MYO1H: variants seen among roughly 807,000 people sequenced by gnomAD.
MYO1H encodes the protein unconventional myosin-Ih.
A neutral mutation model predicts 149.3 loss-of-function variants in MYO1H; 118 were observed. The ratio of observed to expected loss-of-function variants is 0.79; its 90% CI spans 0.68 to 0.92. The LOEUF is 0.92. Ranked by LOEUF, MYO1H falls within the 40% of genes least tolerant of loss-of-function variation. MYO1H has a pLI of 0.00. For synonymous variants in MYO1H, 447 were observed against 465.2 expected, an observed-to-expected ratio of 0.96 and a Z score of 0.50; for missense variants, 1,212 against 1,280.7, an observed-to-expected ratio of 0.95 and a Z score of 0.82.
At chr12:109,314,339 T>C in the MYO1H span, among the ~76,000 whole-genome samples, 3 of 152,144 alleles carry the variant, frequency 2.0e-5, no homozygotes, top group Non-Finnish European at 4.4e-5. Flanking sequence ...AATTCTGAGC[T>C]ACCTTCTGAA....
chr12:109,407,399 CAAGA>C (rs1870439479), intron 9 of MYO1H, among the ~76,000 whole-genome samples: 1 of 150,518 alleles, frequency 6.6e-6, no homozygotes. Context: ...CATGGGCACT[CAAGA>C]AAGAGCCATC....
At chr12:109,439,443 C>G in intron 23 of MYO1H, 188 bp from the exon 24 acceptor site, 1 of 497,788 alleles carries the variant, frequency 2.0e-6, no homozygotes, top group Non-Finnish European at 3.5e-6. Context: ...TAAAGCTCCT[C>G]AAAACAAAAC....
intron 1 of MYO1H, among the ~76,000 whole-genome samples, chr12:109,349,231 C>G (rs561169353): frequency 6.6e-6 from 1 of 152,042 alleles, no homozygotes; most frequent in Non-Finnish European, 1.5e-5. Flanking sequence ...ACAAAATGCA[C>G]GTAGAAGTAA....
At chr12:109,338,747 CAGAGCAAGACTCCATCTCAAAA>C in the MYO1H span, among the ~76,000 whole-genome samples, 481 of 118,752 alleles carry the variant, frequency 4.1e-3, 1 homozygote, top group African/African-American at 0.015. Context: ...GCCTGGGTGA[CAGAGCAAGACTCCATCTCAAAA>C]AAAAAAAAAA....
chr12:109,331,830 C>T, the MYO1H span, among the ~76,000 whole-genome samples: 1 of 152,176 alleles, frequency 6.6e-6, no homozygotes, highest in Non-Finnish European at 1.5e-5. Context: ...GTTCCTAATG[C>T]TTTTGCATTT....
intron 25 of MYO1H, 94 bp from the exon 26 acceptor site, chr12:109,441,521 C>G: frequency 1.3e-6 from 1 of 742,078 alleles, no homozygotes. Flanking sequence ...CACAGTTTAT[C>G]CAGCAAAGGA....
intron 5 of MYO1H, among the ~76,000 whole-genome samples, chr12:109,398,741 CAAAAA>C (rs35031072): frequency 2.5e-4 from 13 of 51,994 alleles, no homozygotes; most frequent in Non-Finnish European, 4.1e-4. Flanking sequence ...AACTTCCTCT[CAAAAA>C]AAAAAAAAAA....
chr12:109,374,942 C>T (rs1166595401), intron 1 of MYO1H, among the ~76,000 whole-genome samples: 1 of 151,400 alleles, frequency 6.6e-6, no homozygotes, highest in Non-Finnish European at 1.5e-5. Context: ...GCAACCTCCA[C>T]CTCCTGGGTT....
At chr12:109,426,974 G>T (rs1871373285) in intron 18 of MYO1H, among the ~76,000 whole-genome samples, 1 of 152,154 alleles carries the variant, frequency 6.6e-6, no homozygotes. Context: ...GGACTTTTCA[G>T]AGGAACCAGA....
intron 17 of MYO1H, among the ~76,000 whole-genome samples, chr12:109,425,148 T>C (rs886782281): frequency 6.6e-6 from 1 of 151,898 alleles, no homozygotes; most frequent in African/African-American, 2.4e-5. Flanking sequence ...AAAACTTGGG[T>C]GCATTAAAAA....
chr12:109,397,078 A>G (rs1290778328), intron 4 of MYO1H, among the ~76,000 whole-genome samples: 2 of 151,874 alleles, frequency 1.3e-5, no homozygotes, highest in African/African-American at 4.8e-5. Flanking sequence ...CCTTCCCTGC[A>G]TCAGCCTCCC....
intron 3 of MYO1H, among the ~76,000 whole-genome samples, chr12:109,395,677 A>G (rs1288139435): frequency 6.6e-6 from 1 of 151,794 alleles, no homozygotes; most frequent in Non-Finnish European, 1.5e-5. Context: ...AGAGGTTGCA[A>G]TGAGCTCAGA....
chr12:109,346,625 G>T (rs1016924496), upstream of MYO1H, among the ~76,000 whole-genome samples: 1 of 151,822 alleles, frequency 6.6e-6, no homozygotes, highest in South Asian at 2.1e-4. Context: ...GCTGGGCGTT[G>T]TGGCGGGTGC....
At chr12:109,384,351 T>G (rs1022866491) in intron 1 of MYO1H, among the ~76,000 whole-genome samples, 2 of 152,224 alleles carry the variant, frequency 1.3e-5, no homozygotes, top group African/African-American at 4.8e-5. Context: ...TAACTTAATT[T>G]GATTTAATTT....
chr12:109,360,285 G>A (rs548717399), intron 1 of MYO1H, among the ~76,000 whole-genome samples: 4 of 152,210 alleles, frequency 2.6e-5, no homozygotes, highest in African/African-American at 9.6e-5. Context: ...AGACCCTTGA[G>A]TTTGTGTACC....
In MYO1H at chr12:109,443,204, A is replaced by G. The variant is rs919014249; in HGVS notation, c.2689-310A>G. On this transcript the variant is annotated intron_variant, in intron 27 of 31. Coordinates refer to ENST00000310903, the Ensembl canonical transcript of MYO1H. Reference sequence around the variant, plus strand: ...TGTATATGTGTACGTATATGTGTGTATATGTGTACGTATATGTGTGTGTAT... The same window carrying G: ...TGTATATGTGTACGTATATGTGTGTGTATGTGTACGTATATGTGTGTGTAT... 8.1e-5 allele frequency among the ~76,000 whole-genome samples: 11 copies of G among 135,868 alleles called. 4 individuals are homozygous for G. The highest frequency in any genetic ancestry group is 3.1e-4 in the African/African-American group (11 of 35,632). The allele number at this position is 135,868 out of a possible 152,430, so 89.1% of individuals were successfully genotyped here. A position where few individuals can be genotyped will look rare whatever the true frequency, so the allele number is the denominator to read the frequency against.
intron 15 of MYO1H, among the ~76,000 whole-genome samples, chr12:109,419,173 T>A (rs1280701820): frequency 6.8e-6 from 1 of 146,456 alleles, no homozygotes; most frequent in Admixed American, 6.9e-5. Flanking sequence ...TTTCTGCATA[T>A]ACCTATGTGA....
At chr12:109,408,825 T>G (rs1870510912) in intron 10 of MYO1H, among the ~76,000 whole-genome samples, 1 of 152,164 alleles carries the variant, frequency 6.6e-6, no homozygotes, top group African/African-American at 2.4e-5. Flanking sequence ...AGTCCCACTT[T>G]GTCGTTCAGG....
intron 16 of MYO1H, among the ~76,000 whole-genome samples, chr12:109,422,525 G>A (rs1566036870): frequency 1.3e-5 from 2 of 152,170 alleles, no homozygotes; most frequent in South Asian, 2.1e-4. Context: ...ACAAATGGGC[G>A]ACAGCGTTTC....
Sources: allele counts gnomAD v4.1 joint callset (sites outside exome capture counted in the v4.1 genomes callset), GRCh38; gene constraint gnomAD v4.1.1; transcripts MANE v1.5; gene names NCBI Gene and HGNC (gene_info 2026-07-23, HGNC 2026-07-21).